SCN1A: variants seen among roughly 807,000 people sequenced by gnomAD.
SCN1A encodes sodium voltage-gated channel alpha subunit 1, also known as sodium channel protein type 1 subunit alpha.
A neutral mutation model predicts 193.7 loss-of-function variants in SCN1A; 13 were observed. The observed-to-expected ratio is 0.07, with a 90% CI of 0.04 to 0.11. The LOEUF is 0.11. SCN1A is among the 10% of genes least tolerant of loss of function. SCN1A has a pLI of 1.00. For missense variants in SCN1A, 1,432 were observed against 2,451.1 expected (o/e 0.58, Z 8.78); for synonymous variants, 781 against 843.6 (o/e 0.93, Z 1.29).
intron 2 of SCN1A, among the ~76,000 whole-genome samples, chr2:166,119,711 A>C (rs747749084): frequency 5.9e-5 from 9 of 152,164 alleles, no homozygotes; most frequent in Non-Finnish European, 1.0e-4. Context: ...AAAATTTTCA[A>C]AATACTGTAC....
At chr2:166,136,942 G>A (rs939532946) in intron 1 of SCN1A, among the ~76,000 whole-genome samples, 1 of 152,164 alleles carries the variant, frequency 6.6e-6, no homozygotes, top group African/African-American at 2.4e-5. Context: ...AAAGCCAACG[G>A]ATGAAGGACC....
In SCN1A at chr2:165,986,060, C is replaced by T. The variant is rs1343825329; in HGVS notation, c.*5185G>A. ...AAAATACAAATGGGAGGACCGACAC[C>T]AGGTTGCCAATTTTCCACTTGGCTA... On this transcript the variant is annotated 3_prime_UTR_variant, in exon 29 of 29. Coordinates refer to ENST00000674923, the MANE Select transcript of SCN1A (RefSeq NM_001165963.4). The T allele has an allele frequency of 6.6e-6, 1 of 152,058 alleles. No homozygotes were observed. Among genetic ancestry groups the T allele is most frequent in the Non-Finnish European group, 1.5e-5 (1 of 67,984 alleles). The allele number at this position is 152,058 out of a possible 1,614,324, so 9.4% of individuals were successfully genotyped here.
chr2:166,146,384 TA>T lies in SCN1A; in HGVS notation c.-50+2662del, dbSNP rs1692323005. ...TACCTACTTCCAAAAGGATAAATGATATATTTGTTGTATTATTTATTATGAT... is the reference window on the plus strand; with the variant it reads ...TACCTACTTCCAAAAGGATAAATGATTATTTGTTGTATTATTTATTATGAT... On this transcript the variant is annotated intron_variant, in intron 1 of 26. Transcript: ENST00000635750. 2.0e-5 allele frequency among the ~76,000 whole-genome samples: 3 copies of T among 150,506 alleles called. No individual in the cohort carries two copies. In the Admixed American group the frequency reaches 2.2e-4, roughly 11 times the overall value.
chr2:166,102,979 T>C (rs1239164880), intron 2 of SCN1A, among the ~76,000 whole-genome samples: 1 of 152,090 alleles, frequency 6.6e-6, no homozygotes, highest in Admixed American at 6.6e-5. Context: ...TGCACAACTT[T>C]TGTACCTTAA....
intron 2 of SCN1A, among the ~76,000 whole-genome samples, chr2:166,093,346 T>C (rs1397836329): frequency 6.6e-6 from 1 of 151,980 alleles, no homozygotes; most frequent in Admixed American, 6.6e-5. Flanking sequence ...TCTTCTTTTT[T>C]TTTTTCCTTT....
intron 1 of SCN1A, among the ~76,000 whole-genome samples, chr2:166,140,763 T>G (rs946113550): frequency 2.1e-5 from 3 of 145,172 alleles, no homozygotes; most frequent in Admixed American, 6.6e-5. Context: ...TAATTAGGTG[T>G]TTTTTTCTCA....
At chr2:166,144,858 T>G (rs113739703) in intron 1 of SCN1A, among the ~76,000 whole-genome samples, 1 of 115,602 alleles carries the variant, frequency 8.7e-6, no homozygotes, top group Admixed American at 8.1e-5. Flanking sequence ...TCATGGTTTT[T>G]TTTTTTTTTT....
chr2:166,001,756 G>A (rs1010194298), intron 24 of SCN1A, among the ~76,000 whole-genome samples: 27 of 151,226 alleles, frequency 1.8e-4, no homozygotes, highest in Admixed American at 6.6e-5. Context: ...ACCCAGTAGT[G>A]AAAACATTAA....
At chr2:166,002,161 A>G (rs1690964724) in intron 24 of SCN1A, among the ~76,000 whole-genome samples, 1 of 151,562 alleles carries the variant, frequency 6.6e-6, no homozygotes, top group African/African-American at 2.4e-5. Context: ...TAATCACAAT[A>G]AAAAATGGCA....
At chr2:166,008,482 T>C (rs1691958649) in intron 23 of SCN1A, among the ~76,000 whole-genome samples, 1 of 151,098 alleles carries the variant, frequency 6.6e-6, no homozygotes, top group Admixed American at 6.6e-5. Flanking sequence ...TGACATTTAA[T>C]TGGAAAACAG....
chr2:166,068,996 G>A (rs1467150382), intron 4 of SCN1A, among the ~76,000 whole-genome samples: 2 of 152,144 alleles, frequency 1.3e-5, no homozygotes, highest in African/African-American at 2.4e-5. Context: ...AATAAAGAGT[G>A]GGTAAAGAAT....
intron 2 of SCN1A, among the ~76,000 whole-genome samples, chr2:166,111,131 T>C (rs1292788414): frequency 6.6e-6 from 1 of 152,140 alleles, no homozygotes; most frequent in Admixed American, 6.6e-5. Context: ...TCAATATAGA[T>C]GAAACAGCCT....
chr2:166,044,929 C>A, intron 13 of SCN1A, 114 bp downstream of exon 13: 2 of 1,146,454 alleles, frequency 1.7e-6, no homozygotes, highest in Non-Finnish European at 2.6e-6. Flanking sequence ...TTAAATATAA[C>A]ACAACAGTGG....
At position 165,989,924 on chromosome 2, in the gene SCN1A, T is replaced by A. The variant is rs1292639889; in HGVS notation, c.*1321A>T. 1 of 152,582 alleles carries A rather than the reference T, an allele frequency of 6.6e-6. No homozygotes were observed. The highest frequency in any genetic ancestry group is 6.6e-5 in the Admixed American group (1 of 15,256). 9.5% of individuals were successfully genotyped at this position (152,582 alleles called of 1,614,324 possible). A position where few individuals can be genotyped will look rare whatever the true frequency, so the allele number is the denominator to read the frequency against. On this transcript the variant is annotated 3_prime_UTR_variant, in exon 29 of 29. Transcript: ENST00000674923. ...GGCTATATACCATATGTTATCCACT[T>A]AAAATGTAAAAATAACCAAAAAGCT...
At chr2:166,020,816 C>T (rs1693959671) in intron 19 of SCN1A, among the ~76,000 whole-genome samples, 1 of 151,706 alleles carries the variant, frequency 6.6e-6, no homozygotes, top group Admixed American at 6.6e-5. Flanking sequence ...TATTTGTCCT[C>T]TGGGGGAAAA....
intron 2 of SCN1A, among the ~76,000 whole-genome samples, chr2:166,104,922 A>T (rs1298161248): frequency 6.6e-6 from 1 of 152,216 alleles, no homozygotes; most frequent in Non-Finnish European, 1.5e-5. Context: ...AATTGGTATC[A>T]TGGTCCTGAA....
At chr2:166,004,248 T>A (rs1230100105) in intron 23 of SCN1A, among the ~76,000 whole-genome samples, 1 of 151,592 alleles carries the variant, frequency 6.6e-6, no homozygotes, top group Non-Finnish European at 1.5e-5. Flanking sequence ...AGTTACTATT[T>A]CCCTTCTTTT....
Position 166,009,859 on chromosome 2 carries a change from A to G in SCN1A, c.3880-18T>C. On this transcript the variant is annotated intron_variant, in intron 22 of 28. Transcript: ENST00000674923. Reference sequence around the variant, plus strand: ...AATGAAACCTGCACACACAAAAATAATAACAATTAATAAACAGAATCATCA... The same window carrying G: ...AATGAAACCTGCACACACAAAAATAGTAACAATTAATAAACAGAATCATCA... 1.2e-6 allele frequency: 2 copies of G among 1,602,350 alleles called. No homozygotes were observed.
At chr2:166,059,066 T>C (rs1683003759) in intron 4 of SCN1A, among the ~76,000 whole-genome samples, 1 of 152,138 alleles carries the variant, frequency 6.6e-6, no homozygotes, top group Non-Finnish European at 1.5e-5. Flanking sequence ...TCATTTCAGC[T>C]TTCCCAATTC....
Sources: gnomAD v4.1 joint callset for allele counts (sites outside exome capture counted in the v4.1 genomes callset) on GRCh38, gnomAD v4.1.1 for gene constraint, MANE v1.5 for transcripts, NCBI Gene and HGNC (gene_info 2026-07-23, HGNC 2026-07-21) for gene names.